Variants in SOX5 observed in about 807,000 individuals in gnomAD.
SOX5 encodes transcription factor SOX-5.
Under a neutral mutation model 92.0 loss-of-function variants are expected in SOX5, and 9 were observed. The observed-to-expected ratio is 0.10, with a 90% CI of 0.06 to 0.17. The LOEUF is 0.17. Ranked by LOEUF, SOX5 falls within the 10% of genes least tolerant of loss-of-function variation. The pLI, the probability that SOX5 is intolerant of heterozygous loss-of-function variation, is 1.00. For synonymous variants in SOX5, 344 were observed against 336.3 expected (o/e 1.02, Z -0.25); for missense variants, 642 against 944.5 (o/e 0.68, Z 4.20).
chr12:24,280,166 G>A (rs1944989883), intron 2 of SOX5, among the ~76,000 whole-genome samples: 1 of 152,128 alleles, frequency 6.6e-6, no homozygotes, highest in African/African-American at 2.4e-5. Flanking sequence ...TAAAAAGGAA[G>A]GACAGACCCA....
At chr12:23,843,271 C>A (rs1029244644) in intron 3 of SOX5, among the ~76,000 whole-genome samples, 1 of 152,034 alleles carries the variant, frequency 6.6e-6, no homozygotes, top group African/African-American at 2.4e-5. Context: ...TATCTTAAAA[C>A]AGAAAAAGCA....
intron 2 of SOX5, among the ~76,000 whole-genome samples, chr12:24,286,730 A>G (rs1019744722): frequency 1.3e-5 from 2 of 152,160 alleles, no homozygotes; most frequent in Non-Finnish European, 2.9e-5. Flanking sequence ...ATCTCAGTAC[A>G]TTATGAAAAA....
intron 2 of SOX5, among the ~76,000 whole-genome samples, chr12:24,309,903 G>A (rs1245891029): frequency 6.6e-6 from 1 of 152,094 alleles, no homozygotes; most frequent in Non-Finnish European, 1.5e-5. Flanking sequence ...AGTTGATTCA[G>A]AATGATAAGA....
intron 4 of SOX5, among the ~76,000 whole-genome samples, chr12:24,151,912 A>G (rs1951697112): frequency 6.6e-6 from 1 of 152,126 alleles, no homozygotes; most frequent in South Asian, 2.1e-4. Flanking sequence ...TCTCAAGACC[A>G]TATAAAATAT....
At chr12:23,673,588 CAAT>C (rs1177615121) in intron 6 of SOX5, among the ~76,000 whole-genome samples, 2 of 151,910 alleles carry the variant, frequency 1.3e-5, no homozygotes, top group African/African-American at 2.4e-5. Context: ...GATTAGAAAA[CAAT>C]AAAATTCCCT....
chr12:23,679,317 A>T (rs2139760979), intron 6 of SOX5, among the ~76,000 whole-genome samples: 1 of 152,272 alleles, frequency 6.6e-6, no homozygotes, highest in African/African-American at 2.4e-5. Context: ...TTAGTTTAAA[A>T]AGAAAATCTG....
intron 2 of SOX5, among the ~76,000 whole-genome samples, chr12:23,889,109 A>G (rs2097102069): frequency 6.6e-6 from 1 of 152,184 alleles, no homozygotes; most frequent in African/African-American, 2.4e-5. Context: ...CATCGTTCAA[A>G]AGTAATTACA....
chr12:24,559,453 T>C (rs1474281686), intron 1 of SOX5, among the ~76,000 whole-genome samples: 1 of 152,202 alleles, frequency 6.6e-6, no homozygotes, highest in East Asian at 1.9e-4. Context: ...AATTTTGTCC[T>C]GTAAGTTTTA....
chr12:24,042,553 T>C (rs7965514), intron 4 of SOX5, among the ~76,000 whole-genome samples: 97,819 of 151,968 alleles, frequency 0.64, 31,932 homozygotes, highest in Non-Finnish European at 0.7. Context: ...AATTATAGTG[T>C]CATCCATATC....
At chr12:24,019,349 C>T (rs1039928845) in intron 4 of SOX5, among the ~76,000 whole-genome samples, 1 of 152,040 alleles carries the variant, frequency 6.6e-6, no homozygotes, top group African/African-American at 2.4e-5. Context: ...TCAAGGGTGG[C>T]CTACTAATTT....
chr12:23,802,368 C>A (rs1387109134), intron 3 of SOX5, among the ~76,000 whole-genome samples: 1 of 152,184 alleles, frequency 6.6e-6, no homozygotes, highest in African/African-American at 2.4e-5. Flanking sequence ...GCGTCAGCCA[C>A]TGCGCCCGGC....
intron 2 of SOX5, among the ~76,000 whole-genome samples, chr12:23,869,989 G>T (rs1211139088): frequency 6.6e-6 from 1 of 152,058 alleles, no homozygotes; most frequent in Non-Finnish European, 1.5e-5. Context: ...ATACATAGCA[G>T]ATATTAAATA....
chr12:24,405,763 T>A (rs11047420), intron 1 of SOX5, among the ~76,000 whole-genome samples: 22,015 of 152,046 alleles, frequency 0.14, 1,947 homozygotes, highest in Non-Finnish European at 0.21. Context: ...GAAATTTCAA[T>A]GTAAATGACC....
chr12:24,263,232 G>A (rs1399351948), intron 3 of SOX5, among the ~76,000 whole-genome samples: 2 of 150,166 alleles, frequency 1.3e-5, no homozygotes, highest in Non-Finnish European at 1.5e-5. Context: ...CTTAAAAAAA[G>A]GAAGAAATTA....
At chr12:24,129,389 T>C (rs917681884) in intron 4 of SOX5, among the ~76,000 whole-genome samples, 6 of 152,152 alleles carry the variant, frequency 3.9e-5, no homozygotes, top group Non-Finnish European at 7.4e-5. Flanking sequence ...TATTACCCAG[T>C]GTGTTATCCA....
At chr12:24,274,123 T>A (rs151101222) in intron 3 of SOX5, among the ~76,000 whole-genome samples, 7 of 152,326 alleles carry the variant, frequency 4.6e-5, no homozygotes, top group African/African-American at 1.4e-4. Flanking sequence ...AGGTTCTACA[T>A]ATATCCATAA....
At chr12:24,271,490 C>A (rs1031966986) in intron 3 of SOX5, among the ~76,000 whole-genome samples, 1 of 151,978 alleles carries the variant, frequency 6.6e-6, no homozygotes, top group South Asian at 2.1e-4. Context: ...CTTTTTATGG[C>A]GTTTTCTGAT....
chr12:23,986,311 G>C (rs1426387196), intron 4 of SOX5, among the ~76,000 whole-genome samples: 1 of 151,660 alleles, frequency 6.6e-6, no homozygotes, highest in Non-Finnish European at 1.5e-5. Context: ...GAAGACATAC[G>C]ACAAAATCCC....
chr12:24,225,850 A>G (rs923063709), intron 3 of SOX5, among the ~76,000 whole-genome samples: 2 of 152,248 alleles, frequency 1.3e-5, no homozygotes, highest in African/African-American at 2.4e-5. Flanking sequence ...AGAAAAAATG[A>G]TTAATAGTTC....
Sources: gnomAD v4.1 joint callset for allele counts (sites outside exome capture counted in the v4.1 genomes callset) on GRCh38, gnomAD v4.1.1 for gene constraint, MANE v1.5 for transcripts, NCBI Gene and HGNC (gene_info 2026-07-23, HGNC 2026-07-21) for gene names.